Variants in CDYL2 observed in about 807,000 individuals in gnomAD.
CDYL2 encodes chromodomain Y-like protein 2.
In CDYL2, 23 loss-of-function variants were observed where a neutral mutation model predicts 49.4. The ratio of observed to expected loss-of-function variants is 0.47; its 90% CI spans 0.34 to 0.66. The LOEUF is 0.66. Ranked by LOEUF, CDYL2 falls within the 30% of genes least tolerant of loss-of-function variation. CDYL2 has a pLI of 0.01. For missense variants in CDYL2, 678 were observed against 656.4 expected (o/e 1.03, Z -0.36); for synonymous variants, 360 against 268.8 (o/e 1.34, Z -3.32).
chr16:80,655,873 T>G (rs1413730742), intron 2 of CDYL2, among the ~76,000 whole-genome samples: 1 of 152,088 alleles, frequency 6.6e-6, no homozygotes, highest in African/African-American at 2.4e-5. Context: ...TCCCTCTCCT[T>G]CAGGAGCATC....
At chr16:80,719,251 C>T (rs1172598857) in intron 1 of CDYL2, among the ~76,000 whole-genome samples, 1 of 152,090 alleles carries the variant, frequency 6.6e-6, no homozygotes, top group Non-Finnish European at 1.5e-5. Context: ...ACCTGTAAAA[C>T]TGAAGATTCC....
At chr16:80,642,448 A>G (rs900400562) in intron 2 of CDYL2, among the ~76,000 whole-genome samples, 1 of 152,198 alleles carries the variant, frequency 6.6e-6, no homozygotes, top group South Asian at 2.1e-4. Flanking sequence ...ATCTAAAAAA[A>G]ATTATATATT....
intron 1 of CDYL2, chr16:80,742,123 T>A (rs111628542): frequency 9.2e-5 from 14 of 152,276 alleles, no homozygotes; most frequent in African/African-American, 3.1e-4. Flanking sequence ...TATACAGAGA[T>A]CAAGAATCAT....
At chr16:80,619,343 C>A (rs1906972238) in intron 4 of CDYL2, among the ~76,000 whole-genome samples, 1 of 152,226 alleles carries the variant, frequency 6.6e-6, no homozygotes, top group Non-Finnish European at 1.5e-5. Context: ...CACACTTCAA[C>A]TCACTACAAG....
At chr16:80,777,744 CTTAT>C (rs1245244480) in intron 1 of CDYL2, among the ~76,000 whole-genome samples, 1 of 152,004 alleles carries the variant, frequency 6.6e-6, no homozygotes, top group African/African-American at 2.4e-5. Flanking sequence ...TCATAACCAA[CTTAT>C]TTCTTTCATA....
At chr16:80,771,080 T>C (rs1906889212) in intron 1 of CDYL2, among the ~76,000 whole-genome samples, 2 of 152,216 alleles carry the variant, frequency 1.3e-5, no homozygotes, top group African/African-American at 4.8e-5. Context: ...TTTTGATTCA[T>C]CTGAACTCCC....
intron 3 of CDYL2, among the ~76,000 whole-genome samples, chr16:80,627,188 A>G (rs1285931934): frequency 1.3e-5 from 2 of 152,220 alleles, no homozygotes; most frequent in Non-Finnish European, 2.9e-5. Flanking sequence ...TTTGAACATC[A>G]AAAAAGCTCA....
intron 2 of CDYL2, among the ~76,000 whole-genome samples, chr16:80,669,281 G>A (rs1567563300): frequency 6.6e-6 from 1 of 152,120 alleles, no homozygotes; most frequent in Non-Finnish European, 1.5e-5. Context: ...AAAGTGCCAA[G>A]AAGGGGAAGC....
intron 3 of CDYL2, among the ~76,000 whole-genome samples, chr16:80,621,627 C>A (rs1159604816): frequency 6.6e-6 from 1 of 152,234 alleles, no homozygotes; most frequent in African/African-American, 2.4e-5. Context: ...TATGCTATGG[C>A]CACCTGCAGG....
chr16:80,761,666 G>T (rs1014022950), intron 1 of CDYL2, among the ~76,000 whole-genome samples: 4 of 150,892 alleles, frequency 2.7e-5, no homozygotes, highest in Non-Finnish European at 4.4e-5. Context: ...GCCCCCAGGT[G>T]ACTTAGATGT....
At chr16:80,778,024 C>A (rs1030228853) in intron 1 of CDYL2, among the ~76,000 whole-genome samples, 3 of 151,766 alleles carry the variant, frequency 2.0e-5, no homozygotes, top group South Asian at 2.1e-4. Flanking sequence ...TTAAAAAAAT[C>A]TGTTACTAAA....
intron 1 of CDYL2, among the ~76,000 whole-genome samples, chr16:80,758,757 T>A (rs979697264): frequency 1.3e-5 from 2 of 151,884 alleles, no homozygotes; most frequent in African/African-American, 4.8e-5. Flanking sequence ...TTAGCCAGGA[T>A]GGTTTCAATC....
At chr16:80,783,893 G>C (rs181706600) in intron 1 of CDYL2, among the ~76,000 whole-genome samples, 5 of 152,294 alleles carry the variant, frequency 3.3e-5, no homozygotes, top group African/African-American at 9.6e-5. Context: ...AGTGCCCGGG[G>C]CTGGGAAAAC....
intron 2 of CDYL2, among the ~76,000 whole-genome samples, chr16:80,648,623 G>C (rs1908453922): frequency 6.6e-6 from 1 of 151,350 alleles, no homozygotes; most frequent in Non-Finnish European, 1.5e-5. Context: ...TAGAGAAGGA[G>C]GAAATACTTC....
intron 1 of CDYL2, among the ~76,000 whole-genome samples, chr16:80,716,039 T>C (rs144812286): frequency 5.7e-4 from 87 of 152,374 alleles, no homozygotes; most frequent in African/African-American, 1.9e-3. Context: ...ATGGGGATGA[T>C]AATCATTCCT....
At chr16:80,642,462 T>A (rs554689443) in intron 2 of CDYL2, among the ~76,000 whole-genome samples, 1 of 152,154 alleles carries the variant, frequency 6.6e-6, no homozygotes, top group African/African-American at 2.4e-5. Flanking sequence ...ATATATTTAT[T>A]AGTTTGTTAT....
chr16:80,614,295 GCTGGC>G (rs1906729069), intron 4 of CDYL2, among the ~76,000 whole-genome samples: 1 of 152,194 alleles, frequency 6.6e-6, no homozygotes, highest in African/African-American at 2.4e-5. Context: ...GTCACCAAGT[GCTGGC>G]CAAACAGGAT....
intron 5 of CDYL2, among the ~76,000 whole-genome samples, chr16:80,609,463 C>A (rs1168572089): frequency 6.6e-6 from 1 of 152,180 alleles, no homozygotes; most frequent in Non-Finnish European, 1.5e-5. Context: ...ATCTTTCACG[C>A]CAGAGTAGAG....
intron 2 of CDYL2, among the ~76,000 whole-genome samples, chr16:80,641,793 C>A (rs527524392): frequency 2.7e-4 from 40 of 150,456 alleles, no homozygotes; most frequent in African/African-American, 9.5e-4. Flanking sequence ...ATATACCTAA[C>A]GCTAAATGAC....
Sources: allele counts gnomAD v4.1 joint callset (sites outside exome capture counted in the v4.1 genomes callset), GRCh38; gene constraint gnomAD v4.1.1; transcripts MANE v1.5; gene names NCBI Gene and HGNC (gene_info 2026-07-23, HGNC 2026-07-21).